H2BC5: variants seen among roughly 807,000 people sequenced by gnomAD.
H2BC5 encodes H2B clustered histone 5.
In H2BC5, 9 loss-of-function variants were observed where a neutral mutation model predicts 5.7. The ratio of observed to expected loss-of-function variants is 1.57; its 90% CI spans 0.95 to 2.74. The LOEUF (loss-of-function observed/expected upper bound fraction) is 2.74, where lower values mean the gene tolerates loss of function less well. Among genes scored for constraint, H2BC5 ranks in the 30% most tolerant of loss-of-function variants. The pLI, the probability that H2BC5 is intolerant of heterozygous loss-of-function variation, is 0.00. For synonymous variants in H2BC5, 133 were observed against 70.9 expected (o/e 1.88, Z -4.40); for missense variants, 175 against 168.8 (o/e 1.04, Z -0.20).
chr6:26,158,130 C>T lies in H2BC5; in HGVS notation c.-40C>T. The T allele has an allele frequency of 1.3e-6, 2 of 1,581,650 alleles. No homozygotes were observed. Among genetic ancestry groups the T allele is most frequent in the Non-Finnish European group, 1.7e-6 (2 of 1,165,272 alleles). On this transcript the variant is annotated 5_prime_UTR_variant, in exon 1 of 1. Coordinates refer to ENST00000377777, the MANE Select transcript of H2BC5 (RefSeq NM_021063.4). ...GGGCCTCGGCGGGAGTGATTATTTTCTCAGGTGTTTGCAACAGTGTTCTAA... is the reference window on the plus strand; with the variant it reads ...GGGCCTCGGCGGGAGTGATTATTTTTTCAGGTGTTTGCAACAGTGTTCTAA...
downstream of H2BC5, chr6:26,158,675 C>T (rs1214275162): frequency 1.4e-6 from 2 of 1,395,276 alleles, no homozygotes; most frequent in Non-Finnish European, 1.9e-6. Flanking sequence ...CACCACAGTA[C>T]CAATCTTTAA....
At chr6:26,159,033 G>A (rs2113832444), downstream of H2BC5, among the ~76,000 whole-genome samples, 1 of 152,212 alleles carries the variant, frequency 6.6e-6, no homozygotes, top group Non-Finnish European at 1.5e-5. Context: ...GCAAGTAAAG[G>A]CTGAAGACAA....
chr6:26,164,039 G>T, intron 1 of H2BC5: 2 of 450,850 alleles, frequency 4.4e-6, no homozygotes, highest in South Asian at 1.8e-5. Context: ...AGAACTTATT[G>T]AAATATTCCA....
At position 26,158,558 on chromosome 6, in the gene H2BC5, A is replaced by G. The variant is rs1764281051; in HGVS notation, c.*8A>G. 2 of 1,613,982 alleles carry G rather than the reference A, an allele frequency of 1.2e-6. No homozygotes were observed. The highest frequency in any genetic ancestry group is 1.3e-5 in the African/African-American group (1 of 74,952). On this transcript the variant is annotated 3_prime_UTR_variant, in exon 1 of 1. Coordinates refer to ENST00000377777, the MANE Select transcript of H2BC5 (RefSeq NM_021063.4). ...TACACCAGTTCCAAGTAACTTTGCC[A>G]AGTAAGCATCTTTACACCTAATCCC...
At chr6:26,166,921 G>A (rs549195700) in intron 1 of H2BC5, among the ~76,000 whole-genome samples, 6 of 151,410 alleles carry the variant, frequency 4.0e-5, no homozygotes, top group African/African-American at 1.2e-4. Context: ...GGCTGGTCTC[G>A]AACTCCTGAC....
chr6:26,171,177 T>C (rs1211450810), exon 2 of H2BC5: 2 of 152,196 alleles, frequency 1.3e-5, no homozygotes, highest in African/African-American at 4.8e-5. Flanking sequence ...GCACTTCATG[T>C]TACTTTTTGA....
intron 1 of H2BC5, among the ~76,000 whole-genome samples, chr6:26,167,046 TC>T (rs1419102388): frequency 1.6e-4 from 15 of 95,272 alleles, no homozygotes; most frequent in Non-Finnish European, 3.2e-4. Flanking sequence ...TTTTTTGTTT[TC>T]TCTTTTTTTT....
chr6:26,159,390 C>T (rs1268396887), downstream of H2BC5, among the ~76,000 whole-genome samples: 1 of 151,360 alleles, frequency 6.6e-6, no homozygotes, highest in Non-Finnish European at 1.5e-5. Flanking sequence ...CTTTGCAGTA[C>T]AATTTATCCT....
At chr6:26,163,308 C>T (rs1764377097), downstream of H2BC5, 2 of 151,930 alleles carry the variant, frequency 1.3e-5, no homozygotes, top group Admixed American at 1.3e-4. Flanking sequence ...TTGGGCTTAC[C>T]TTTATCAAGT....
chr6:26,162,857 CTTCTT>C (rs1322933924), downstream of H2BC5, among the ~76,000 whole-genome samples: 6 of 152,010 alleles, frequency 3.9e-5, no homozygotes, highest in African/African-American at 9.7e-5. Flanking sequence ...TCCTTCTAAT[CTTCTT>C]TTAAGATTTT....
In H2BC5 at chr6:26,168,248, C is replaced by T. The variant is rs190438467; in HGVS notation, c.*10-2727C>T. Among the ~76,000 whole-genome samples, 3 of 152,062 alleles carry T rather than the reference C, an allele frequency of 2.0e-5. No individual in the cohort carries two copies. The East Asian group carries it at 5.8e-4, about 29-fold the overall frequency. ...CCAAGGCGGGCAGATCACCTGAGGT[C>T]GGGAGTTCAAGACCAGCCTGGCCAA... On this transcript the variant is annotated intron_variant, in intron 1 of 1. Coordinates refer to the H2BC5 transcript ENST00000289316.
intron 1 of H2BC5, among the ~76,000 whole-genome samples, chr6:26,170,648 ACT>A (rs1764502924): frequency 6.6e-6 from 1 of 152,326 alleles, no homozygotes; most frequent in Admixed American, 6.5e-5. Flanking sequence ...TTTCCTTTTC[ACT>A]GAGTTAAAAT....
At chr6:26,169,924 G>A (rs1466985264) in intron 1 of H2BC5, among the ~76,000 whole-genome samples, 1 of 151,566 alleles carries the variant, frequency 6.6e-6, no homozygotes, top group Non-Finnish European at 1.5e-5. Context: ...AAAAGAAAAA[G>A]AAAAAGGGGG....
intron 1 of H2BC5, chr6:26,164,512 G>A (rs1009907386): frequency 6.4e-6 from 1 of 155,298 alleles, no homozygotes; most frequent in Admixed American, 6.6e-5. Context: ...AGTTCCCCTG[G>A]ACAGGAGCCT....
intron 1 of H2BC5, among the ~76,000 whole-genome samples, chr6:26,168,454 A>AT (rs199988643): frequency 6.6e-6 from 1 of 151,404 alleles, no homozygotes; most frequent in African/African-American, 2.4e-5. Context: ...CCAAAACTCC[A>AT]TTTTTTAAAA....
Position 26,158,142 on chromosome 6 carries a change from C to G in H2BC5, c.-28C>G. On this transcript the variant is annotated 5_prime_UTR_variant, in exon 1 of 1. Transcript: ENST00000377777. ...GAGTGATTATTTTCTCAGGTGTTTG[C>G]AACAGTGTTCTAACTATTAACGCTA... is the stretch of plus-strand genomic sequence containing the variant. The G allele has an allele frequency of 6.3e-7, 1 of 1,596,956 alleles. No individual in the cohort carries two copies. Among genetic ancestry groups the G allele is most frequent in the Non-Finnish European group, 8.5e-7 (1 of 1,172,750 alleles).
At chr6:26,169,032 T>C (rs1013320207) in intron 1 of H2BC5, among the ~76,000 whole-genome samples, 2 of 152,062 alleles carry the variant, frequency 1.3e-5, no homozygotes, top group Admixed American at 1.3e-4. Flanking sequence ...AAAAAATTTT[T>C]AAAAATGGAA....
intron 1 of H2BC5, among the ~76,000 whole-genome samples, chr6:26,168,182 G>A (rs1393403666): frequency 2.0e-5 from 3 of 151,900 alleles, no homozygotes; most frequent in African/African-American, 7.3e-5. Context: ...ACTTGGGCCA[G>A]GCCCAGTGGC....
Position 26,158,346 on chromosome 6 carries a change from A to G in H2BC5, c.177A>G (p.Ala59=). 6 of 1,614,270 alleles carry G rather than the reference A, an allele frequency of 3.7e-6. No homozygotes were observed. Among genetic ancestry groups the G allele is most frequent in the Non-Finnish European group, 5.1e-6 (6 of 1,180,048 alleles). The part of the protein sequence containing the change: ...VHPDTGISSK[A]MGIMNSFVND... ...CCGACACCGGCATCTCTTCCAAGGC[A>G]ATGGGGATCATGAATTCCTTCGTCA... Residue 59 remains alanine (A), a synonymous_variant, in exon 1 of 1, where the codon GCA becomes GCG. Coordinates refer to ENST00000377777, the MANE Select transcript of H2BC5 (RefSeq NM_021063.4).
Sources: gnomAD v4.1 joint callset for allele counts (sites outside exome capture counted in the v4.1 genomes callset) on GRCh38, gnomAD v4.1.1 for gene constraint, MANE v1.5 for transcripts, NCBI Gene and HGNC (gene_info 2026-07-23, HGNC 2026-07-21) for gene names.